The following USP13 variants were observed in gnomAD, a reference collection of about 807,000 sequenced individuals.
The protein encoded by USP13 is ubiquitin carboxyl-terminal hydrolase 13.
USP13 carries 68 observed loss-of-function variants against 107.8 expected under a neutral mutation model. The observed-to-expected ratio is 0.63, with a 90% CI of 0.52 to 0.77. The LOEUF (loss-of-function observed/expected upper bound fraction) is 0.77, where lower values mean the gene tolerates loss of function less well. USP13 is among the 30% of genes least tolerant of loss of function. USP13 has a pLI of 0.00. For synonymous variants in USP13, 377 were observed against 389.5 expected (o/e 0.97, Z 0.38); for missense variants, 945 against 1,093.3 (o/e 0.86, Z 1.91).
intron 1 of USP13, among the ~76,000 whole-genome samples, chr3:179,671,823 G>A (rs754442948): frequency 5.3e-5 from 8 of 152,064 alleles, no homozygotes; most frequent in Non-Finnish European, 8.8e-5. Context: ...CCAAGGGTGT[G>A]TGAGTCACCG....
chr3:179,771,333 C>G (rs1715336159), intron 19 of USP13, among the ~76,000 whole-genome samples: 2 of 152,206 alleles, frequency 1.3e-5, no homozygotes, highest in South Asian at 4.1e-4. Context: ...CTCCAAGTCA[C>G]TGAGGCAGGT....
intron 8 of USP13, among the ~76,000 whole-genome samples, chr3:179,729,468 CTTTA>C (rs935188764): frequency 2.0e-5 from 3 of 152,152 alleles, no homozygotes; most frequent in East Asian, 3.9e-4. Flanking sequence ...GTACTGTTGT[CTTTA>C]TTTATTTATT....
At chr3:179,761,647 A>G (rs1715017738) in intron 17 of USP13, among the ~76,000 whole-genome samples, 5 of 152,182 alleles carry the variant, frequency 3.3e-5, no homozygotes, top group Admixed American at 3.3e-4. Flanking sequence ...GCTTGAACGC[A>G]GGAGGCGGAG....
intron 13 of USP13, 72 bp from the exon 14 acceptor site, chr3:179,752,212 TG>T: frequency 7.2e-7 from 1 of 1,387,362 alleles, no homozygotes; most frequent in Non-Finnish European, 1.0e-6. Context: ...CAGACAAAGT[TG>T]ATATGCTTTT....
intron 17 of USP13, among the ~76,000 whole-genome samples, chr3:179,762,180 A>G (rs549446963): frequency 6.6e-6 from 1 of 152,368 alleles, no homozygotes; most frequent in East Asian, 1.9e-4. Flanking sequence ...ATGGAGTCAT[A>G]TAATAAAAGG....
chr3:179,672,598 A>G (rs1720782268), intron 1 of USP13, among the ~76,000 whole-genome samples: 1 of 151,918 alleles, frequency 6.6e-6, no homozygotes, highest in Non-Finnish European at 1.5e-5. Context: ...ATTCCCGGCT[A>G]ATTTCTTGGT....
rs570604627 is a variant in USP13 at position 179,653,393 on chromosome 3, C to G, written c.168C>G (p.Pro56=). The change falls in exon 1 of 21, where the codon CCC becomes CCG. Residue 56 remains proline, a splice_region_variant and synonymous_variant. Coordinates refer to ENST00000263966, the MANE Select transcript of USP13 (RefSeq NM_003940.3). The surrounding 1 kb of genome is among the most constrained non-coding windows in gnomAD (Gnocchi z 4.0). ...KNECAFSYDS[P]NSEGGLYVCM... is the part of the protein sequence containing the mutation. ...AGTGCGCCTTCTCCTACGACTCTCC[C>G]GTAAGTGAGGCGCCTCGGGGGAGGG... 3.2e-6 allele frequency: 5 copies of G among 1,556,570 alleles called. No homozygotes were observed. In the Admixed American group the frequency reaches 5.8e-5, roughly 18 times the overall value.
In USP13 at chr3:179,781,815, G is replaced by A. The variant is rs1715757825; in HGVS notation, c.2490G>A (p.Lys830=). 6.2e-7 allele frequency: 1 copy of A among 1,613,720 alleles called. No homozygotes were observed. ...GTCATTACATTTGCCATATCAAAAA[G>A]GAAGGAAGGTGAGTCATTTTTAGAA... is the stretch of plus-strand genomic sequence containing the variant. ...MSGHYICHIK[K]EGRWVIYNDH... Residue 830 remains lysine (K), a synonymous_variant, in exon 20 of 21, where the codon AAG becomes AAA. Coordinates refer to ENST00000263966, the MANE Select transcript of USP13 (RefSeq NM_003940.3).
rs1712494979 is a variant in USP13, at chr3:179,700,985, CTTTG to C, written c.356-19_356-16del. On this transcript the variant is annotated intron_variant, in intron 3 of 20. Coordinates refer to ENST00000263966, the MANE Select transcript of USP13 (RefSeq NM_003940.3). ...GATATTATTTTCCTCACTTCTTGTT[CTTTG>C]TTTTTGTTTTCTCCTCAGATCTAGA... 2 of 1,604,778 alleles carry C rather than the reference CTTTG, an allele frequency of 1.2e-6. No individual in the cohort carries two copies. Among genetic ancestry groups the C allele is most frequent in the Non-Finnish European group, 1.7e-6 (2 of 1,176,934 alleles).
chr3:179,706,797 G>T (rs1712731965), intron 4 of USP13, 137 bp from the exon 5 acceptor site: 5 of 1,026,020 alleles, frequency 4.9e-6, no homozygotes, highest in South Asian at 1.8e-5. Context: ...AGGAAAACAG[G>T]ATCCCTCTCT....
chr3:179,656,358 T>A (rs1249117815), intron 1 of USP13, among the ~76,000 whole-genome samples: 1 of 152,182 alleles, frequency 6.6e-6, no homozygotes, highest in Non-Finnish European at 1.5e-5. Flanking sequence ...TTTAAAGTGG[T>A]GTTGGAGGAA....
intron 1 of USP13, among the ~76,000 whole-genome samples, chr3:179,676,526 A>G (rs1311026358): frequency 6.6e-6 from 1 of 152,208 alleles, no homozygotes; most frequent in African/African-American, 2.4e-5. Flanking sequence ...CTTTGGTCAC[A>G]AGGAAATTGG....
intron 10 of USP13, among the ~76,000 whole-genome samples, chr3:179,735,179 C>T (rs1022461392): frequency 1.3e-5 from 2 of 152,216 alleles, no homozygotes; most frequent in African/African-American, 4.8e-5. Flanking sequence ...GCCATTGCCT[C>T]AGGTGTCTGA....
chr3:179,767,007 C>T (rs1422213644), intron 19 of USP13, among the ~76,000 whole-genome samples: 2 of 152,156 alleles, frequency 1.3e-5, no homozygotes, highest in Non-Finnish European at 2.9e-5. Flanking sequence ...GTCAACAACT[C>T]TCTTCTCACT....
At chr3:179,660,604 ATTTG>A (rs1393890717) in intron 1 of USP13, among the ~76,000 whole-genome samples, 1 of 152,308 alleles carries the variant, frequency 6.6e-6, no homozygotes, top group African/African-American at 2.4e-5. Context: ...GTGTACAAGT[ATTTG>A]TTTGAGTCCC....
At position 179,750,213 on chromosome 3, in the gene USP13, C is replaced by CGA. The variant is rs369373061; in HGVS notation, c.1710-2069_1710-2068dup. On this transcript the variant is annotated intron_variant, in intron 13 of 20. Transcript: ENST00000263966. Reference sequence around the variant, plus strand: ...CCGGGAGGCAGAGGTTGCAGTGACCCGAGATCACGCCATTGCACTCCAGCC... The same window carrying CGA: ...CCGGGAGGCAGAGGTTGCAGTGACCCGAGAGATCACGCCATTGCACTCCAGCC... 4.2e-3 allele frequency among the ~76,000 whole-genome samples: 640 copies of CGA among 150,640 alleles called. 8 individuals carry two copies. The highest frequency in any genetic ancestry group is 0.015 in the African/African-American group (609 of 41,008).
chr3:179,771,322 ACT>A (rs1309676492), intron 19 of USP13, among the ~76,000 whole-genome samples: 1 of 152,064 alleles, frequency 6.6e-6, no homozygotes, highest in Non-Finnish European at 1.5e-5. Flanking sequence ...GCCCTGTCCT[ACT>A]CCAAGTCACT....
At chr3:179,701,722 T>C (rs1330175004) in intron 4 of USP13, among the ~76,000 whole-genome samples, 1 of 152,224 alleles carries the variant, frequency 6.6e-6, no homozygotes, top group Non-Finnish European at 1.5e-5. Context: ...TCCTAGGTTT[T>C]AGATATTTTT....
rs3222346 is a variant in USP13 at position 179,764,183 on chromosome 3, CTGTGTGTGTGTGTGTG to C, written c.2259+32_2259+47del. The C allele has an allele frequency of 6.9e-6, 10 of 1,447,920 alleles. No homozygotes were observed. The highest frequency in any genetic ancestry group is 1.4e-5 in the African/African-American group (1 of 69,104). 89.7% of individuals were successfully genotyped at this position (1,447,920 alleles called of 1,614,324 possible). A position where few individuals can be genotyped will look rare whatever the true frequency, so the allele number is the denominator to read the frequency against. On this transcript the variant is annotated intron_variant, in intron 18 of 20. Coordinates refer to ENST00000263966, the MANE Select transcript of USP13 (RefSeq NM_003940.3). ...TACGAGCAACGGTGAGCATGAGAGA[CTGTGTGTGTGTGTGTG>C]TGTGTGTGTGTGTGTGAATTTATTT...
Sources: gnomAD v4.1 joint callset for allele counts (sites outside exome capture counted in the v4.1 genomes callset) on GRCh38, gnomAD v4.1.1 for gene constraint, Gnocchi (gnomAD v3.1) non-coding constraint, MANE v1.5 for transcripts, NCBI Gene and HGNC (gene_info 2026-07-23, HGNC 2026-07-21) for gene names.